The following GPHN variants were observed in gnomAD, a reference collection of about 807,000 sequenced individuals.
The protein encoded by GPHN is gephyrin.
GPHN carries 17 observed loss-of-function variants against 95.5 expected under a neutral mutation model. That is an observed-to-expected ratio of 0.18 (90% CI 0.12 to 0.27). The LOEUF is 0.27. Ranked by LOEUF, GPHN falls within the 10% of genes least tolerant of loss-of-function variation. The pLI is 1.00. For missense variants in GPHN, 660 were observed against 978.1 expected, an observed-to-expected ratio of 0.67 and a Z score of 4.34; for synonymous variants, 320 against 322.5, an observed-to-expected ratio of 0.99 and a Z score of 0.08.
At chr14:67,399,552 T>G in the GPHN span, among the ~76,000 whole-genome samples, 72 of 127,322 alleles carry the variant, frequency 5.7e-4, no homozygotes, top group African/African-American at 2.3e-3. Context: ...AAGAGAAGGG[T>G]AGTTTAGGTG....
the GPHN span, among the ~76,000 whole-genome samples, chr14:67,500,382 G>A: frequency 4.6e-5 from 7 of 151,878 alleles, no homozygotes; most frequent in Admixed American, 3.9e-4. Flanking sequence ...GCTGAGACAG[G>A]AGAATCTCTT....
Position 67,181,079 on chromosome 14 carries a change from AT to A in GPHN, c.*145del. The A allele has an allele frequency of 1.3e-6, 1 of 763,536 alleles. No homozygotes were observed. 47.3% of individuals were successfully genotyped at this position (763,536 alleles called of 1,614,324 possible). On this transcript the variant is annotated 3_prime_UTR_variant, in exon 23 of 23. Transcript: ENST00000478722. ...ACATCTTGAACTATATTTCAAATGAATTTAAATATCTTTTAAAGAAAAAAAC... is the reference window on the plus strand; with the variant it reads ...ACATCTTGAACTATATTTCAAATGAATTAAATATCTTTTAAAGAAAAAAAC...
the GPHN span, among the ~76,000 whole-genome samples, chr14:67,295,535 C>T: frequency 2.7e-5 from 4 of 150,512 alleles, no homozygotes; most frequent in African/African-American, 4.9e-5. Context: ...AAAGACTACT[C>T]GGTTAAAAAA....
intron 9 of GPHN, among the ~76,000 whole-genome samples, chr14:66,984,882 A>C (rs2070914952): frequency 6.6e-6 from 1 of 151,934 alleles, no homozygotes. Context: ...TTTATCCAAA[A>C]CATTAGTTCT....
chr14:67,596,243 C>T, the GPHN span, among the ~76,000 whole-genome samples: 1 of 151,326 alleles, frequency 6.6e-6, no homozygotes, highest in African/African-American at 2.4e-5. Context: ...ATTCTCCTGC[C>T]TCAGCCTCCC....
the GPHN span, chr14:67,676,913 A>G: frequency 6.6e-6 from 1 of 152,260 alleles, no homozygotes; most frequent in Non-Finnish European, 1.5e-5. Context: ...ATTAAGTAAA[A>G]CATTAATTCA....
At chr14:67,279,518 T>C in the GPHN span, 110 of 1,538,888 alleles carry the variant, frequency 7.1e-5, 2 homozygotes, top group South Asian at 1.0e-3. Context: ...AAAGTCCTCA[T>C]TATGCTGTGA....
the GPHN span, among the ~76,000 whole-genome samples, chr14:67,465,744 T>C: frequency 1.3e-5 from 2 of 152,218 alleles, no homozygotes; most frequent in African/African-American, 4.8e-5. Flanking sequence ...AAGCTGTGAA[T>C]GTTACCTTAT....
chr14:66,774,190 G>C (rs975253771), intron 2 of GPHN, among the ~76,000 whole-genome samples: 1 of 151,612 alleles, frequency 6.6e-6, no homozygotes, highest in Non-Finnish European at 1.5e-5. Context: ...TTTTAGTAGA[G>C]ATAGGGTTTC....
chr14:66,773,748 G>A (rs78924239), intron 2 of GPHN, among the ~76,000 whole-genome samples: 2,157 of 151,822 alleles, frequency 0.014, 57 homozygotes, highest in East Asian at 0.11. Context: ...TTTTTTGTTT[G>A]TTTTAAAGAA....
the GPHN span, chr14:67,621,087 T>C: frequency 1.1e-6 from 1 of 905,218 alleles, no homozygotes; most frequent in Non-Finnish European, 1.8e-6. Flanking sequence ...ACATCCCGCA[T>C]CCTCCTTTGG....
intron 5 of GPHN, among the ~76,000 whole-genome samples, chr14:66,901,007 C>G (rs898146811): frequency 2.6e-5 from 4 of 151,998 alleles, no homozygotes; most frequent in African/African-American, 9.7e-5. Flanking sequence ...TTTCCACCAA[C>G]AGCGTACAAA....
the GPHN span, among the ~76,000 whole-genome samples, chr14:67,528,444 G>T: frequency 6.6e-6 from 1 of 152,188 alleles, no homozygotes; most frequent in Non-Finnish European, 1.5e-5. Context: ...ACTTAAAGCT[G>T]GTCCCTGCCC....
chr14:67,618,283 A>G, the GPHN span, among the ~76,000 whole-genome samples: 1 of 152,144 alleles, frequency 6.6e-6, no homozygotes, highest in Non-Finnish European at 1.5e-5. Context: ...TGATTCTGTA[A>G]ATTCGCGAGT....
the GPHN span, among the ~76,000 whole-genome samples, chr14:67,250,666 A>G: frequency 6.6e-6 from 1 of 152,248 alleles, no homozygotes; most frequent in African/African-American, 2.4e-5. Context: ...TCTCTGATCC[A>G]GGTGATTCAT....
At chr14:67,245,031 G>T in the GPHN span, among the ~76,000 whole-genome samples, 28 of 152,200 alleles carry the variant, frequency 1.8e-4, no homozygotes, top group African/African-American at 6.8e-4. Flanking sequence ...AGGAGAGCAG[G>T]CCACAAACTA....
At chr14:67,094,798 G>A (rs2077284595) in intron 12 of GPHN, among the ~76,000 whole-genome samples, 1 of 152,144 alleles carries the variant, frequency 6.6e-6, no homozygotes, top group South Asian at 2.1e-4. Flanking sequence ...TGCCAAGTGA[G>A]ATTGTAGCCA....
At chr14:66,734,608 T>C (rs1467203573) in intron 2 of GPHN, among the ~76,000 whole-genome samples, 1 of 152,222 alleles carries the variant, frequency 6.6e-6, no homozygotes, top group Non-Finnish European at 1.5e-5. Context: ...CCATTTATCT[T>C]TGTTGTAGCT....
chr14:67,646,819 T>A, the GPHN span: 1 of 1,433,760 alleles, frequency 7.0e-7, no homozygotes, highest in African/African-American at 1.4e-5. Flanking sequence ...CTTAACTTGG[T>A]CTATTGCAGG....
Sources: allele counts gnomAD v4.1 joint callset (sites outside exome capture counted in the v4.1 genomes callset), GRCh38; gene constraint gnomAD v4.1.1; transcripts MANE v1.5; gene names NCBI Gene and HGNC (gene_info 2026-07-23, HGNC 2026-07-21).